ROBO1: variants seen among roughly 807,000 people sequenced by gnomAD.
ROBO1 encodes the protein roundabout guidance receptor 1, also known as roundabout homolog 1.
ROBO1 carries 149 observed loss-of-function variants against 195.9 expected under a neutral mutation model. That is an observed-to-expected ratio of 0.76 (90% confidence interval 0.67 to 0.87). ROBO1 has a LOEUF of 0.87. ROBO1 is among the 40% of genes least tolerant of loss of function. The pLI is 0.00. For synonymous variants in ROBO1, 816 were observed against 733.2 expected (o/e 1.11, Z -1.82); for missense variants, 1,933 against 2,068.3 (o/e 0.93, Z 1.27).
In ROBO1 at chr3:79,144,709, A is replaced by G. The variant is rs866894223; in HGVS notation, c.89-19170T>C. ...CTCCTTATATTAAAAGGAAAAATAT[A>G]TAGTTGATATTACAAACAAAATGTA... On this transcript the variant is annotated intron_variant, in intron 2 of 30. Coordinates refer to ENST00000464233, the MANE Select transcript of ROBO1 (RefSeq NM_002941.4). Among the ~76,000 whole-genome samples, 3 of 151,974 alleles carry G rather than the reference A, an allele frequency of 2.0e-5. No homozygotes were observed. The South Asian group carries it at 6.2e-4, about 31-fold the overall frequency.
intron 1 of ROBO1, among the ~76,000 whole-genome samples, chr3:79,657,401 G>C (rs116162103): frequency 0.019 from 2,898 of 152,126 alleles, 115 homozygotes; most frequent in African/African-American, 0.066. Flanking sequence ...CTTGCTTCCA[G>C]TGAATGAGAG....
chr3:78,894,009 G>C (rs2107396911), intron 4 of ROBO1, among the ~76,000 whole-genome samples: 1 of 152,270 alleles, frequency 6.6e-6, no homozygotes, highest in South Asian at 2.1e-4. Context: ...AACACCCAGA[G>C]ATAAGGTTTT....
rs1026994418 is a variant in ROBO1 at position 79,742,485 on chromosome 3, G to A, written c.-51+25267C>T. On this transcript the variant is annotated intron_variant, in intron 1 of 30. Coordinates refer to ENST00000464233, the MANE Select transcript of ROBO1 (RefSeq NM_002941.4). ...GTGTTAAACTTGAGGATGAACAGAC[G>A]GCAAGACTCTCTCTCTCTCTCTCTC... is the stretch of plus-strand genomic sequence containing the variant. 7.9e-5 allele frequency among the ~76,000 whole-genome samples: 12 copies of A among 151,892 alleles called. No homozygotes were observed. In the East Asian group the frequency reaches 2.3e-3, roughly 29 times the overall value.
At chr3:78,820,841 G>A (rs1296513579) in intron 4 of ROBO1, among the ~76,000 whole-genome samples, 2 of 152,144 alleles carry the variant, frequency 1.3e-5, no homozygotes, top group African/African-American at 2.4e-5. Flanking sequence ...TTCTGATTTG[G>A]AAGCTATGAG....
Position 78,614,769 on chromosome 3 carries a change from AGG to A in ROBO1, c.4312_4313del (p.Pro1438Ter). ...GRRHFHASQC[P>X]RPTSPVSTDS... Reference sequence around the variant, plus strand: ...CTGTAGACACGGGACTTGTGGGCCTAGGGCACTGAGACGCATGAAAATGTCGA... The same window carrying A: ...CTGTAGACACGGGACTTGTGGGCCTAGCACTGAGACGCATGAAAATGTCGA... On this transcript the variant is annotated frameshift_variant, in exon 28 of 31. Transcript: ENST00000464233. LOFTEE classifies it high-confidence loss of function. 1 of 1,612,952 alleles carries A rather than the reference AGG, an allele frequency of 6.2e-7. No homozygotes were observed. The highest frequency in any genetic ancestry group is 8.5e-7 in the Non-Finnish European group (1 of 1,179,562).
At chr3:79,725,912 A>AAG (rs1702904243) in intron 1 of ROBO1, among the ~76,000 whole-genome samples, 1 of 151,306 alleles carries the variant, frequency 6.6e-6, no homozygotes, top group Non-Finnish European at 1.5e-5. Flanking sequence ...CTTAAAAAAA[A>AAG]AAACTTTTCT....
intron 1 of ROBO1, among the ~76,000 whole-genome samples, chr3:79,754,687 C>A (rs1704294503): frequency 6.6e-6 from 1 of 152,112 alleles, no homozygotes; most frequent in African/African-American, 2.4e-5. Context: ...GAAAAACAGG[C>A]AAGGCTTTTT....
At chr3:79,583,883 A>G (rs528572505) in intron 2 of ROBO1, among the ~76,000 whole-genome samples, 11 of 152,140 alleles carry the variant, frequency 7.2e-5, no homozygotes, top group African/African-American at 2.6e-4. Context: ...TTCGGAGCAG[A>G]GCATTACCTT....
intron 1 of ROBO1, among the ~76,000 whole-genome samples, chr3:79,611,550 T>C (rs1944657560): frequency 6.6e-6 from 1 of 152,136 alleles, no homozygotes; most frequent in South Asian, 2.1e-4. Flanking sequence ...TGGAATACTA[T>C]GCAGCCATAA....
chr3:79,714,477 G>C (rs1380862203), intron 1 of ROBO1, among the ~76,000 whole-genome samples: 1 of 152,054 alleles, frequency 6.6e-6, no homozygotes, highest in African/African-American at 2.4e-5. Flanking sequence ...AATACCATTT[G>C]AACCAGCCAT....
intron 1 of ROBO1, among the ~76,000 whole-genome samples, chr3:79,635,507 A>G (rs544315580): frequency 5.9e-5 from 9 of 152,318 alleles, no homozygotes; most frequent in African/African-American, 2.2e-4. Flanking sequence ...AATAACTATC[A>G]TTGAACACCA....
At chr3:79,003,929 T>C (rs1204558419) in intron 3 of ROBO1, among the ~76,000 whole-genome samples, 1 of 152,176 alleles carries the variant, frequency 6.6e-6, no homozygotes, top group Admixed American at 6.5e-5. Flanking sequence ...ACCCATGGCA[T>C]GGTGAAAAAC....
At chr3:79,213,523 A>G (rs2082001920) in intron 2 of ROBO1, among the ~76,000 whole-genome samples, 1 of 152,076 alleles carries the variant, frequency 6.6e-6, no homozygotes, top group African/African-American at 2.4e-5. Context: ...AACCACTTTG[A>G]AGGTAGAAAT....
At chr3:78,722,730 C>T (rs1447387925) in intron 5 of ROBO1, among the ~76,000 whole-genome samples, 4 of 152,060 alleles carry the variant, frequency 2.6e-5, no homozygotes, top group African/African-American at 9.7e-5. Context: ...TTTTCAGATA[C>T]ATATACTTAG....
At chr3:78,788,272 C>T (rs1218480445) in intron 4 of ROBO1, among the ~76,000 whole-genome samples, 2 of 144,014 alleles carry the variant, frequency 1.4e-5, no homozygotes, top group African/African-American at 2.6e-5. Context: ...CCCGCCACCA[C>T]GCCCAGATAA....
At chr3:79,443,826 G>C (rs541509148) in intron 2 of ROBO1, among the ~76,000 whole-genome samples, 1 of 151,996 alleles carries the variant, frequency 6.6e-6, no homozygotes, top group Admixed American at 6.6e-5. Flanking sequence ...GAATGAGATA[G>C]AGCACACAGG....
intron 3 of ROBO1, among the ~76,000 whole-genome samples, chr3:78,963,507 T>TTG (rs2041501385): frequency 8.2e-6 from 1 of 121,826 alleles, no homozygotes; most frequent in Non-Finnish European, 1.8e-5. Context: ...TTTTTTTTTT[T>TTG]TTTTTTTTTT....
At chr3:79,202,512 T>C (rs2081785822) in intron 2 of ROBO1, among the ~76,000 whole-genome samples, 1 of 150,986 alleles carries the variant, frequency 6.6e-6, no homozygotes, top group Non-Finnish European at 1.5e-5. Context: ...CCATGAACAA[T>C]GGGGAACATT....
intron 1 of ROBO1, among the ~76,000 whole-genome samples, chr3:79,670,163 C>T (rs540119399): frequency 4.7e-4 from 72 of 151,762 alleles, no homozygotes; most frequent in African/African-American, 1.6e-3. Context: ...TCCATAGATG[C>T]CATAAATAAG....
Sources: allele counts gnomAD v4.1 joint callset (sites outside exome capture counted in the v4.1 genomes callset), GRCh38; gene constraint gnomAD v4.1.1; transcripts MANE v1.5; gene names NCBI Gene and HGNC (gene_info 2026-07-23, HGNC 2026-07-21).